Variants in CATSPERE observed in about 807,000 individuals in gnomAD.
The protein encoded by CATSPERE is catsper channel auxiliary subunit epsilon.
In CATSPERE, 93 loss-of-function variants were observed where a neutral mutation model predicts 114.1. The observed-to-expected ratio is 0.81, with a 90% CI of 0.69 to 0.97. The LOEUF (loss-of-function observed/expected upper bound fraction) is 0.97, where lower values mean the gene tolerates loss of function less well. CATSPERE is among the 50% of genes least tolerant of loss of function. CATSPERE has a pLI of 0.00. For missense variants in CATSPERE, 1,058 were observed against 1,131.6 expected (o/e 0.93, Z 0.93); for synonymous variants, 341 against 384.1 (o/e 0.89, Z 1.31).
intron 11 of CATSPERE, among the ~76,000 whole-genome samples, chr1:244,581,316 A>T (rs1418877541): frequency 6.6e-6 from 1 of 152,158 alleles, no homozygotes; most frequent in Non-Finnish European, 1.5e-5. Context: ...TAGGCATTTT[A>T]CTGTTGATGA....
At chr1:244,569,225 C>G (rs1402470771) in intron 10 of CATSPERE, among the ~76,000 whole-genome samples, 1 of 152,174 alleles carries the variant, frequency 6.6e-6, no homozygotes, top group Non-Finnish European at 1.5e-5. Context: ...CCCAGTGAGA[C>G]GACGCCCCAC....
chr1:244,542,856 GA>G (rs1399798403), intron 8 of CATSPERE, among the ~76,000 whole-genome samples: 2 of 151,960 alleles, frequency 1.3e-5, no homozygotes, highest in Non-Finnish European at 1.5e-5. Flanking sequence ...ATAGGTATGT[GA>G]AAAAAAGTGC....
intron 11 of CATSPERE, among the ~76,000 whole-genome samples, chr1:244,580,932 T>C (rs960178250): frequency 6.6e-6 from 1 of 151,738 alleles, no homozygotes; most frequent in Non-Finnish European, 1.5e-5. Flanking sequence ...ACCTGGGAGG[T>C]GGAGGTTGTA....
chr1:244,639,851 A>G (rs969737711), intron 21 of CATSPERE, 77 bp from the exon 22 acceptor site: 4 of 1,353,694 alleles, frequency 3.0e-6, no homozygotes, highest in South Asian at 2.7e-5. Flanking sequence ...TAGCTATTCA[A>G]AAAGTGTTTA....
chr1:244,533,122 CT>C lies in CATSPERE; in HGVS notation c.536+14429del, dbSNP rs574208536. 1.5e-4 allele frequency among the ~76,000 whole-genome samples: 23 copies of C among 151,448 alleles called. No homozygotes were observed. In the East Asian group the frequency reaches 4.4e-3, roughly 29 times the overall value. ...CATTATGTAATAACCTTATTTGTCT[CT>C]TTTTGTGGTTTTTGTCTTGAAATCT... On this transcript the variant is annotated intron_variant, in intron 8 of 21. Transcript: ENST00000366534.
chr1:244,582,976 T>A lies in CATSPERE; in HGVS notation c.2010-888T>A, dbSNP rs189232398. The stretch of plus-strand genomic sequence containing the variant: ...ATATATATATATATATATATATATA[T>A]AAATCAGTGACAGAGACTGATCAGG... On this transcript the variant is annotated intron_variant, in intron 12 of 21. Transcript: ENST00000366534. 9.8e-3 allele frequency among the ~76,000 whole-genome samples: 467 copies of A among 47,432 alleles called. 10 individuals are homozygous for A. Among genetic ancestry groups the A allele is most frequent in the African/African-American group, 0.026 (439 of 16,898 alleles). The allele number at this position is 47,432 out of a possible 152,430, so 31.1% of individuals were successfully genotyped here. A position where few individuals can be genotyped will look rare whatever the true frequency, so the allele number is the denominator to read the frequency against.
chr1:244,601,945 C>T (rs1185181719), intron 17 of CATSPERE, among the ~76,000 whole-genome samples: 4 of 148,508 alleles, frequency 2.7e-5, no homozygotes, highest in African/African-American at 5.0e-5. Context: ...CAGAGCGAAA[C>T]GGAAGGAAGG....
intron 7 of CATSPERE, among the ~76,000 whole-genome samples, chr1:244,516,982 G>A (rs939491623): frequency 1.2e-4 from 18 of 152,008 alleles, no homozygotes; most frequent in Non-Finnish European, 5.9e-5. Flanking sequence ...CTACCAAAAT[G>A]TCCAGTACAG....
At chr1:244,571,539 T>C (rs1237594062) in intron 10 of CATSPERE, among the ~76,000 whole-genome samples, 1 of 152,214 alleles carries the variant, frequency 6.6e-6, no homozygotes, top group African/African-American at 2.4e-5. Context: ...GAAAGCTGAT[T>C]ATCTGCTATG....
rs1670973434 is a variant in CATSPERE, at chr1:244,613,294, C to CA, written c.2490+2975dup. On this transcript the variant is annotated intron_variant, in intron 19 of 21. Transcript: ENST00000366534. ...TTTGTATTTTCAAGTGGGGATACAT[C>CA]AAAAAAACAAGTCTTTTACTTATTT... is the stretch of plus-strand genomic sequence containing the variant. 2.6e-5 allele frequency among the ~76,000 whole-genome samples: 4 copies of CA among 152,002 alleles called. No homozygotes were observed. In the South Asian group the frequency reaches 6.2e-4, roughly 24 times the overall value.
intron 17 of CATSPERE, among the ~76,000 whole-genome samples, chr1:244,600,056 G>C (rs888758723): frequency 6.6e-6 from 1 of 152,148 alleles, no homozygotes; most frequent in Non-Finnish European, 1.5e-5. Context: ...AGCAGACTGA[G>C]CTAAGTTGAG....
At chr1:244,594,546 A>G (rs1668136070) in intron 17 of CATSPERE, among the ~76,000 whole-genome samples, 1 of 152,230 alleles carries the variant, frequency 6.6e-6, no homozygotes, top group African/African-American at 2.4e-5. Context: ...TAAATAAATA[A>G]TAGTGAATAT....
intron 5 of CATSPERE, 104 bp downstream of exon 5, chr1:244,479,888 A>G: frequency 2.0e-6 from 1 of 508,838 alleles, no homozygotes; most frequent in Non-Finnish European, 3.3e-6. Flanking sequence ...TTTCCATACA[A>G]CTTTCATTCA....
intron 17 of CATSPERE, chr1:244,598,833 C>T (rs1668786181): frequency 1.2e-5 from 2 of 167,136 alleles, no homozygotes; most frequent in African/African-American, 4.8e-5. Flanking sequence ...TCAACTTTCT[C>T]TTTGAATGTC....
At chr1:244,597,168 C>T (rs1354457850) in intron 17 of CATSPERE, among the ~76,000 whole-genome samples, 2 of 152,172 alleles carry the variant, frequency 1.3e-5, no homozygotes, top group Non-Finnish European at 2.9e-5. Flanking sequence ...AAAACCAAAG[C>T]AAAACAAAAT....
At chr1:244,490,978 T>G (rs967484165) in intron 6 of CATSPERE, among the ~76,000 whole-genome samples, 1 of 152,090 alleles carries the variant, frequency 6.6e-6, no homozygotes, top group Non-Finnish European at 1.5e-5. Context: ...CCTTGTAGGA[T>G]TCTTAATAAT....
intron 19 of CATSPERE, among the ~76,000 whole-genome samples, chr1:244,611,747 T>C (rs1670759437): frequency 6.6e-6 from 1 of 152,166 alleles, no homozygotes; most frequent in African/African-American, 2.4e-5. Context: ...TAGGTGAGGA[T>C]GATATCCCCA....
rs947922966 is a variant in CATSPERE, at chr1:244,575,989, C to T, written c.1950+3217C>T. Among the ~76,000 whole-genome samples, 7 of 152,182 alleles carry T rather than the reference C, an allele frequency of 4.6e-5. No individual in the cohort carries two copies. The East Asian group carries it at 5.8e-4, about 13-fold the overall frequency. Reference sequence around the variant, plus strand: ...ACTAAGGAATGCTCTACTGCCTCTGCGGTGTCTGTTTCCTTGGTATATCCT... The same window carrying T: ...ACTAAGGAATGCTCTACTGCCTCTGTGGTGTCTGTTTCCTTGGTATATCCT... On this transcript the variant is annotated intron_variant, in intron 11 of 21. Coordinates refer to ENST00000366534, the MANE Select transcript of CATSPERE (RefSeq NM_001130957.2). This position sits in a 1 kb window ranked among gnomAD's most constrained non-coding sequence, Gnocchi z 4.5.
In CATSPERE at chr1:244,573,412, A is replaced by AAAAACAAAACAAAACAAAACAAAAC. The variant is rs58959857; in HGVS notation, c.1950+650_1950+674dup. Among the ~76,000 whole-genome samples the AAAAACAAAACAAAACAAAACAAAAC allele has an allele frequency of 2.0e-4, 30 of 150,042 alleles. No homozygotes were observed. In the East Asian group the frequency reaches 2.2e-3, roughly 11 times the overall value. ...GGTGACAGAGTGAGACTCCCTCTCAAAAAACAAAACAAAACAAAACAAAAC... is the reference window on the plus strand; with the variant it reads ...GGTGACAGAGTGAGACTCCCTCTCAAAAAACAAAACAAAACAAAACAAAACAAAACAAAACAAAACAAAACAAAAC... On this transcript the variant is annotated intron_variant, in intron 11 of 21. Transcript: ENST00000366534. This position sits in a 1 kb window ranked among gnomAD's most constrained non-coding sequence, Gnocchi z 4.0.
Sources: gnomAD v4.1 joint callset for allele counts (sites outside exome capture counted in the v4.1 genomes callset) on GRCh38, gnomAD v4.1.1 for gene constraint, Gnocchi (gnomAD v3.1) non-coding constraint, MANE v1.5 for transcripts, NCBI Gene and HGNC (gene_info 2026-07-23, HGNC 2026-07-21) for gene names.